Variants in RGS9 observed in about 807,000 individuals in gnomAD.
RGS9 encodes regulator of G protein signaling 9, also known as regulator of G-protein signalling 9.
RGS9 carries 78 observed loss-of-function variants against 102.0 expected under a neutral mutation model. The observed-to-expected ratio is 0.76, with a 90% CI of 0.64 to 0.92. The LOEUF is 0.92. RGS9 is among the 40% of genes least tolerant of loss of function. The probability of loss-of-function intolerance (pLI) is 0.00; values close to 1 mark genes in which losing one functional copy is unlikely to be tolerated. For synonymous variants in RGS9, 353 were observed against 318.6 expected (o/e 1.11, Z -1.15); for missense variants, 833 against 866.1 (o/e 0.96, Z 0.48).
At position 65,153,520 on chromosome 17, in the gene RGS9, T is replaced by C; in HGVS notation, c.154+2T>C. On this transcript the variant is annotated splice_donor_variant, in intron 2 of 18. Coordinates refer to ENST00000262406, the MANE Select transcript of RGS9 (RefSeq NM_003835.4). LOFTEE classifies it high-confidence loss of function. ...CCAGCGTTCCTCATGCCATGACAGG[T>C]GATGTAGCTTGCACTTTAGTCTTGG... 6.2e-7 allele frequency: 1 copy of C among 1,610,674 alleles called. No individual in the cohort carries two copies. Among genetic ancestry groups the C allele is most frequent in the Non-Finnish European group, 8.5e-7 (1 of 1,176,854 alleles).
rs1169151002 is a variant in RGS9, at chr17:65,227,621, T to C, written c.*214T>C. The C allele has an allele frequency of 3.2e-6, 2 of 622,606 alleles. No homozygotes were observed. The highest frequency in any genetic ancestry group is 1.8e-5 in the African/African-American group (1 of 54,484). 38.6% of individuals were successfully genotyped at this position (622,606 alleles called of 1,614,324 possible). On this transcript the variant is annotated 3_prime_UTR_variant, in exon 19 of 19. Transcript: ENST00000262406. ...CTCCTCTTCCTGACCCTCCCTCCCC[T>C]GGGCAGAAGAAACGCATGTGGACCA...
chr17:65,225,554 T>C, intron 18 of RGS9, 68 bp downstream of exon 18: 1 of 1,595,854 alleles, frequency 6.3e-7, no homozygotes, highest in South Asian at 1.1e-5. Flanking sequence ...TGCATGTGAA[T>C]ATGCATGCTT....
At chr17:65,158,436 A>T in intron 3 of RGS9, 91 bp downstream of exon 3, 1 of 1,195,110 alleles carries the variant, frequency 8.4e-7, no homozygotes, top group East Asian at 2.3e-5. Flanking sequence ...TGTGTTTCTG[A>T]GAAATTTACA....
chr17:65,179,927 G>C (rs1031053125), intron 9 of RGS9: 2 of 152,224 alleles, frequency 1.3e-5, no homozygotes, highest in East Asian at 3.9e-4. Context: ...GCCATGGTGG[G>C]GTGTGATACG....
chr17:65,163,331 G>A (rs141683897), intron 7 of RGS9, among the ~76,000 whole-genome samples: 264 of 151,306 alleles, frequency 1.7e-3, no homozygotes, highest in African/African-American at 5.9e-3. Flanking sequence ...CCAGCACCAT[G>A]CCTGGCTAAT....
At chr17:65,202,442 T>TGAGAGA (rs1469082540) in intron 14 of RGS9, among the ~76,000 whole-genome samples, 13 of 123,176 alleles carry the variant, frequency 1.1e-4, no homozygotes, top group African/African-American at 3.3e-4. Flanking sequence ...TGTGTGTGTG[T>TGAGAGA]GTGAGAGAGA....
At chr17:65,205,492 T>A (rs556280633) in intron 15 of RGS9, among the ~76,000 whole-genome samples, 4 of 152,132 alleles carry the variant, frequency 2.6e-5, no homozygotes, top group Non-Finnish European at 5.9e-5. Context: ...TTATATGAGA[T>A]AGACTATGTC....
intron 18 of RGS9, among the ~76,000 whole-genome samples, chr17:65,226,544 G>T (rs1197553014): frequency 2.0e-5 from 3 of 152,016 alleles, no homozygotes; most frequent in Non-Finnish European, 4.4e-5. Context: ...TCATACATGG[G>T]CTTGGGACTT....
intron 9 of RGS9, among the ~76,000 whole-genome samples, chr17:65,179,635 CTGTGTGTGTGTGTGTGTGTGTG>C (rs56275900): frequency 2.4e-5 from 3 of 125,016 alleles, no homozygotes; most frequent in Non-Finnish European, 1.7e-5. Context: ...TACTGCTCAG[CTGTGTGTGTGTGTGTGTGTGTG>C]TGTGTGTGTG....
chr17:65,162,926 T>A, intron 6 of RGS9, 87 bp from the exon 7 acceptor site: 1 of 744,206 alleles, frequency 1.3e-6, no homozygotes, highest in Non-Finnish European at 2.4e-6. Flanking sequence ...GCCAGGGGTG[T>A]GCCCTTGCTG....
chr17:65,146,875 A>G (rs1910383876), intron 1 of RGS9, among the ~76,000 whole-genome samples: 1 of 147,404 alleles, frequency 6.8e-6, no homozygotes, highest in African/African-American at 2.7e-5. Flanking sequence ...ACAGAGTAAG[A>G]CTCCGTCTCA....
At chr17:65,182,460 C>A (rs925591567) in intron 9 of RGS9, among the ~76,000 whole-genome samples, 4 of 152,336 alleles carry the variant, frequency 2.6e-5, no homozygotes, top group South Asian at 2.1e-4. Flanking sequence ...GTGGCTCCCC[C>A]AAGGACACAC....
intron 3 of RGS9, chr17:65,158,677 A>G (rs909429111): frequency 2.3e-6 from 1 of 431,184 alleles, no homozygotes; most frequent in Non-Finnish European, 4.3e-6. Flanking sequence ...GGGTCTTCCT[A>G]TAAGGGGACA....
intron 17 of RGS9, among the ~76,000 whole-genome samples, chr17:65,213,772 C>T (rs115592828): frequency 0.015 from 2,264 of 152,216 alleles, 72 homozygotes; most frequent in African/African-American, 0.051. Context: ...TGGAAGCCTG[C>T]TCAAGTTGAG....
chr17:65,160,750 G>A (rs527822345), intron 5 of RGS9, 101 bp from the exon 6 acceptor site: 148 of 1,429,636 alleles, frequency 1.0e-4, no homozygotes, highest in Non-Finnish European at 1.3e-4. Context: ...TGTGCTGAGC[G>A]TTCTCTCCCC....
chr17:65,204,419 T>C, intron 15 of RGS9, 118 bp downstream of exon 15: 1 of 1,268,282 alleles, frequency 7.9e-7, no homozygotes, highest in Non-Finnish European at 1.1e-6. Context: ...CTTTGCCGGT[T>C]GTGGCATGCA....
chr17:65,193,763 T>C, intron 12 of RGS9, 107 bp downstream of exon 12: 2 of 728,450 alleles, frequency 2.7e-6, no homozygotes, highest in Non-Finnish European at 4.9e-6. Context: ...GTTTTTATTA[T>C]ATTCATAGAG....
chr17:65,217,265 A>C (rs9904247), intron 17 of RGS9, among the ~76,000 whole-genome samples: 38,429 of 152,152 alleles, frequency 0.25, 7,177 homozygotes, highest in African/African-American at 0.51. Flanking sequence ...GGATCAGAGC[A>C]TGGGGCTCCA....
chr17:65,168,620 A>C (rs1485181741), intron 8 of RGS9, among the ~76,000 whole-genome samples: 1 of 145,470 alleles, frequency 6.9e-6, no homozygotes, highest in Non-Finnish European at 1.5e-5. Flanking sequence ...ATTAGAACGT[A>C]GGCCCCAATG....
Sources: allele counts gnomAD v4.1 joint callset (sites outside exome capture counted in the v4.1 genomes callset), GRCh38; gene constraint gnomAD v4.1.1; transcripts MANE v1.5; gene names NCBI Gene and HGNC (gene_info 2026-07-23, HGNC 2026-07-21).